PTPRQ: variants seen among roughly 807,000 people sequenced by gnomAD.
PTPRQ encodes the protein phosphatidylinositol phosphatase PTPRQ.
A neutral mutation model predicts 246.0 loss-of-function variants in PTPRQ; 199 were observed. The observed-to-expected ratio is 0.81, with a 90% CI of 0.72 to 0.91. The LOEUF is 0.91. Ranked by LOEUF, PTPRQ falls within the 40% of genes least tolerant of loss-of-function variation. The pLI is 0.00. For synonymous variants in PTPRQ, 869 were observed against 853.2 expected (o/e 1.02, Z -0.32); for missense variants, 2,624 against 2,528.4 (o/e 1.04, Z -0.81).
chr12:80,605,018 A>T, intron 26 of PTPRQ, 41 bp from the exon 27 acceptor site: 1 of 1,504,760 alleles, frequency 6.6e-7, no homozygotes, highest in African/African-American at 1.4e-5. Context: ...AGCAAGTACT[A>T]ATTCTAATGT....
intron 35 of PTPRQ, among the ~76,000 whole-genome samples, chr12:80,639,024 G>A (rs546843006): frequency 1.3e-5 from 2 of 152,198 alleles, no homozygotes; most frequent in South Asian, 4.1e-4. Flanking sequence ...CCACCACTTA[G>A]CCCACTGAAG....
At chr12:80,540,782 A>C (rs1896127929) in intron 20 of PTPRQ, among the ~76,000 whole-genome samples, 1 of 152,218 alleles carries the variant, frequency 6.6e-6, no homozygotes, top group East Asian at 1.9e-4. Context: ...TTTAGCAAAA[A>C]TGTTATATTG....
intron 16 of PTPRQ, among the ~76,000 whole-genome samples, chr12:80,508,327 G>A: frequency 6.6e-6 from 1 of 152,038 alleles, no homozygotes; most frequent in Non-Finnish European, 1.5e-5. Flanking sequence ...TTTGACAAAT[G>A]TGTGGACAAA....
At chr12:80,562,371 T>C (rs984953414) in intron 25 of PTPRQ, among the ~76,000 whole-genome samples, 1 of 152,162 alleles carries the variant, frequency 6.6e-6, no homozygotes, top group Non-Finnish European at 1.5e-5. Flanking sequence ...CTTTAAACAA[T>C]TGGGAGAGTT....
chr12:80,599,676 T>C (rs970493777), intron 26 of PTPRQ, among the ~76,000 whole-genome samples: 2 of 151,660 alleles, frequency 1.3e-5, no homozygotes, highest in African/African-American at 4.8e-5. Context: ...GAAAGATACC[T>C]AAAATAATTT....
chr12:80,592,541 A>G (rs1387951973), intron 26 of PTPRQ, among the ~76,000 whole-genome samples: 1 of 152,178 alleles, frequency 6.6e-6, no homozygotes, highest in Non-Finnish European at 1.5e-5. Flanking sequence ...AAGAAATTAT[A>G]ACAGTTAAGT....
intron 17 of PTPRQ, among the ~76,000 whole-genome samples, chr12:80,529,493 A>G (rs1250260264): frequency 6.6e-6 from 1 of 152,190 alleles, no homozygotes; most frequent in Non-Finnish European, 1.5e-5. Flanking sequence ...ATACACATTT[A>G]TACTTATGGA....
chr12:80,552,213 G>C lies in PTPRQ; in HGVS notation c.4285+2479G>C, dbSNP rs550424633. Among the ~76,000 whole-genome samples, 5 of 152,178 alleles carry C rather than the reference G, an allele frequency of 3.3e-5. No individual in the cohort carries two copies. In the South Asian group the frequency reaches 1.0e-3, roughly 32 times the overall value. The stretch of plus-strand genomic sequence containing the variant: ...CAGTGTCAGAAAGGTCCATCAAGGG[G>C]TGACAGGTGTTTTCCCAGTGGGTGG... On this transcript the variant is annotated intron_variant, in intron 25 of 44. Transcript: ENST00000644991.
chr12:80,575,610 G>C (rs1463433967), intron 25 of PTPRQ, among the ~76,000 whole-genome samples: 3 of 151,166 alleles, frequency 2.0e-5, no homozygotes, highest in Non-Finnish European at 2.9e-5. Flanking sequence ...GGGAGGCCAG[G>C]GTGGGCAGAT....
In PTPRQ at chr12:80,514,400, A is replaced by ACTCT. The variant is rs1233839272; in HGVS notation, c.2678+3958_2678+3959insTCTC. On this transcript the variant is annotated intron_variant, in intron 17 of 44. Coordinates refer to ENST00000644991, the MANE Select transcript of PTPRQ (RefSeq NM_001145026.2). ...CACACACACACACACACACACACAC[A>ACTCT]CACTCTCTCTCTCTCTCTCTGCTTT... Among the ~76,000 whole-genome samples the ACTCT allele has an allele frequency of 2.0e-3, 95 of 47,894 alleles. 1 individual carries two copies. The Middle Eastern group carries it at 0.036, about 18-fold the overall frequency. 31.4% of individuals were successfully genotyped at this position (47,894 alleles called of 152,430 possible). A position where few individuals can be genotyped will look rare whatever the true frequency, so the allele number is the denominator to read the frequency against.
In PTPRQ at chr12:80,588,313, C is replaced by T; in HGVS notation, c.4470C>T (p.Tyr1490=). 9 of 1,551,466 alleles carry T rather than the reference C, an allele frequency of 5.8e-6. No homozygotes were observed. The highest frequency in any genetic ancestry group is 1.2e-5 in the South Asian group (1 of 84,054). Residue 1490 remains tyrosine, a synonymous_variant, in exon 26 of 45, where the codon TAC becomes TAT. Coordinates refer to ENST00000644991, the MANE Select transcript of PTPRQ (RefSeq NM_001145026.2). ...GTGTTGAATATCAAAAAATTCAATA[C>T]CTCTATGAAGCTCACTTAACTGAAG... ...EECVEYQKIQ[Y]LYEAHLTEET... is the part of the protein sequence containing the mutation.
chr12:80,667,804 T>A (rs73152420), intron 39 of PTPRQ, among the ~76,000 whole-genome samples: 25,303 of 151,932 alleles, frequency 0.17, 2,832 homozygotes, highest in Non-Finnish European at 0.24. Flanking sequence ...ACATATATTA[T>A]TTTTAATAAG....
intron 37 of PTPRQ, 98 bp from the exon 38 acceptor site, chr12:80,652,645 AT>A: frequency 8.1e-7 from 1 of 1,241,804 alleles, no homozygotes; most frequent in African/African-American, 1.6e-5. Flanking sequence ...TAATTTAAAA[AT>A]TAAAAAAAAA....
chr12:80,669,473 A>T lies in PTPRQ; in HGVS notation c.6453+9A>T. 2 of 1,537,684 alleles carry T rather than the reference A, an allele frequency of 1.3e-6. No homozygotes were observed. Among genetic ancestry groups the T allele is most frequent in the Non-Finnish European group, 1.8e-6 (2 of 1,142,514 alleles). On this transcript the variant is annotated intron_variant, in intron 41 of 44. Coordinates refer to ENST00000644991, the MANE Select transcript of PTPRQ (RefSeq NM_001145026.2). ...ATCTGAAAATTGAAAGGGTAAAAAA[A>T]AAAGGGGGGGACGAGAGAACATGAT...
chr12:80,546,695 C>T lies in PTPRQ; in HGVS notation c.4013C>T (p.Ser1338Leu). Residue 1338 changes from serine (S) to leucine (L), a missense_variant and splice_region_variant, in exon 24 of 45, where the codon TCA becomes TTA. Ser to Leu is a moderately radical substitution (Grantham distance 145). Transcript: ENST00000644991. ...GTAGTAAAATTCACAACCCAAGAATCAGGTTAGATACAGTTTTTGAGCCTA... is the reference window on the plus strand; with the variant it reads ...GTAGTAAAATTCACAACCCAAGAATTAGGTTAGATACAGTTTTTGAGCCTA... ...SNVVKFTTQE[S>L]VPDVVQNMQC... The T allele has an allele frequency of 6.5e-7, 1 of 1,550,328 alleles. No homozygotes were observed. The highest frequency in any genetic ancestry group is 8.7e-7 in the Non-Finnish European group (1 of 1,146,550).
At position 80,496,123 on chromosome 12, in the gene PTPRQ, C is replaced by A; in HGVS notation, c.1990+17C>A. ...CAGAAGATGGTAAGAATATCAATTG[C>A]AGCTTTAATTTTTTTAAAAAAGTGG... On this transcript the variant is annotated intron_variant, in intron 13 of 44. Coordinates refer to ENST00000644991, the MANE Select transcript of PTPRQ (RefSeq NM_001145026.2). 6.5e-7 allele frequency: 1 copy of A among 1,545,218 alleles called. No individual in the cohort carries two copies. Among genetic ancestry groups the A allele is most frequent in the South Asian group, 1.2e-5 (1 of 82,580 alleles).
chr12:80,495,951 A>G (rs539127982), intron 12 of PTPRQ, 48 bp from the exon 13 acceptor site: 28 of 1,525,096 alleles, frequency 1.8e-5, no homozygotes, highest in East Asian at 2.5e-5. Context: ...ACCAATCCCA[A>G]GAGTATTATT....
intron 26 of PTPRQ, among the ~76,000 whole-genome samples, chr12:80,601,546 G>A (rs1373798960): frequency 1.3e-5 from 2 of 151,876 alleles, no homozygotes; most frequent in East Asian, 3.9e-4. Context: ...ATAAAGACAA[G>A]GGGACTCTAA....
At chr12:80,571,601 T>C (rs1346102971) in intron 25 of PTPRQ, among the ~76,000 whole-genome samples, 1 of 152,216 alleles carries the variant, frequency 6.6e-6, no homozygotes, top group South Asian at 2.1e-4. Flanking sequence ...GTGTCCTAAT[T>C]AAATATTGTG....
Sources: gnomAD v4.1 joint callset for allele counts (sites outside exome capture counted in the v4.1 genomes callset) on GRCh38, gnomAD v4.1.1 for gene constraint, MANE v1.5 for transcripts, NCBI Gene and HGNC (gene_info 2026-07-23, HGNC 2026-07-21) for gene names.